ULK4: variants seen among roughly 807,000 people sequenced by gnomAD.
ULK4 encodes inactive serine/threonine-protein kinase ULK4.
Under a neutral mutation model 160.6 loss-of-function variants are expected in ULK4, and 133 were observed. The ratio of observed to expected loss-of-function variants is 0.83; its 90% confidence interval spans 0.72 to 0.96. The LOEUF (loss-of-function observed/expected upper bound fraction) is 0.96, where lower values mean the gene tolerates loss of function less well. Ranked by LOEUF, ULK4 falls within the 40% of genes least tolerant of loss-of-function variation. The pLI is 0.00. For missense variants in ULK4, 1,580 were observed against 1,499.5 expected, an observed-to-expected ratio of 1.05 and a Z score of -0.89; for synonymous variants, 534 against 539.8, an observed-to-expected ratio of 0.99 and a Z score of 0.15.
chr3:41,273,108 T>C (rs2079166809), intron 35 of ULK4, among the ~76,000 whole-genome samples: 4 of 152,364 alleles, frequency 2.6e-5, no homozygotes, highest in South Asian at 2.1e-4. Flanking sequence ...TATAAAATTG[T>C]ATAACATTAT....
At chr3:41,800,710 TGAGCACCGATCAATCA>T (rs2040432915) in intron 19 of ULK4, among the ~76,000 whole-genome samples, 1 of 152,192 alleles carries the variant, frequency 6.6e-6, no homozygotes, top group South Asian at 2.1e-4. Context: ...AGGAATAATC[TGAGCACCGATCAATCA>T]GAGTGGAAAG....
intron 35 of ULK4, among the ~76,000 whole-genome samples, chr3:41,339,563 A>G (rs2080638586): frequency 6.6e-6 from 1 of 151,916 alleles, no homozygotes. Flanking sequence ...TCAATATACA[A>G]CTTATTCCCA....
At chr3:41,649,953 CCCAGACTCAG>C (rs1280234748) in intron 30 of ULK4, among the ~76,000 whole-genome samples, 3 of 152,196 alleles carry the variant, frequency 2.0e-5, no homozygotes, top group African/African-American at 7.2e-5. Flanking sequence ...CCATGAAAAC[CCCAGACTCAG>C]CCAGACTCAG....
intron 31 of ULK4, among the ~76,000 whole-genome samples, chr3:41,584,310 GAGAA>G (rs1395421671): frequency 6.6e-6 from 1 of 152,000 alleles, no homozygotes; most frequent in African/African-American, 2.4e-5. Flanking sequence ...TTTTTCTTTT[GAGAA>G]AGAGTCTCAC....
Position 41,564,704 on chromosome 3 carries a change from A to G in ULK4, c.3226+1321T>C, listed in dbSNP as rs1026469118. 3.3e-5 allele frequency among the ~76,000 whole-genome samples: 5 copies of G among 151,916 alleles called. No individual in the cohort carries two copies. The South Asian group carries it at 6.2e-4, about 19-fold the overall frequency. On this transcript the variant is annotated intron_variant, in intron 32 of 36. Coordinates refer to ENST00000301831, the MANE Select transcript of ULK4 (RefSeq NM_017886.4). Reference sequence around the variant, plus strand: ...AAACTCCTGACCTCAAGTGATCCACAAGCCTCGGCCTCCCAAAGTGCTGGG... The same window carrying G: ...AAACTCCTGACCTCAAGTGATCCACGAGCCTCGGCCTCCCAAAGTGCTGGG...
intron 22 of ULK4, among the ~76,000 whole-genome samples, chr3:41,736,807 A>T (rs1418366051): frequency 6.6e-6 from 1 of 151,488 alleles, no homozygotes; most frequent in African/African-American, 2.4e-5. Context: ...GTTTTCTTCT[A>T]GGGTTTTTAT....
chr3:41,936,071 G>C, intron 3 of ULK4, 131 bp from the exon 4 acceptor site: 1 of 1,155,812 alleles, frequency 8.7e-7, no homozygotes, highest in Non-Finnish European at 1.2e-6. Flanking sequence ...CCTGGTCAAG[G>C]AACACACATG....
chr3:41,443,321 T>C (rs1446122087), intron 34 of ULK4, among the ~76,000 whole-genome samples: 9 of 152,242 alleles, frequency 5.9e-5, no homozygotes, highest in Admixed American at 5.9e-4. Flanking sequence ...TCATCTTTGC[T>C]GGACAATTCC....
In ULK4 at chr3:41,639,060, A is replaced by C. The variant is rs564206960; in HGVS notation, c.3072-23343T>G. ...GGTCATATATGAATATTATCAAGGA[A>C]CTGACTCTCTCATACTTCAGAAAGT... On this transcript the variant is annotated intron_variant, in intron 30 of 36. Coordinates refer to ENST00000301831, the MANE Select transcript of ULK4 (RefSeq NM_017886.4). 5.3e-5 allele frequency among the ~76,000 whole-genome samples: 8 copies of C among 152,342 alleles called. No individual in the cohort carries two copies. In the East Asian group the frequency reaches 1.5e-3, roughly 29 times the overall value.
At chr3:41,512,012 G>A (rs1347494374) in intron 32 of ULK4, among the ~76,000 whole-genome samples, 1 of 152,080 alleles carries the variant, frequency 6.6e-6, no homozygotes, top group Non-Finnish European at 1.5e-5. Flanking sequence ...CACATAAACA[G>A]AATTAAAAAG....
intron 17 of ULK4, among the ~76,000 whole-genome samples, chr3:41,876,804 G>C (rs757554786): frequency 6.6e-6 from 1 of 152,076 alleles, no homozygotes; most frequent in Non-Finnish European, 1.5e-5. Flanking sequence ...TTCAAAAGCC[G>C]GCAAAATCAT....
chr3:41,924,921 C>A (rs150165800), intron 5 of ULK4, among the ~76,000 whole-genome samples: 204 of 152,248 alleles, frequency 1.3e-3, no homozygotes, highest in African/African-American at 4.8e-3. Flanking sequence ...ATGAGTATCA[C>A]AGAGCTTCAA....
rs1485692502 is a variant in ULK4, at chr3:41,715,364, T to A, written c.2578-71A>T. Reference sequence around the variant, plus strand: ...CAACGTTAGCTCAATAAAAAAAAAATGTTTTGAGTTGAGGATTCTCAGCTC... The same window carrying A: ...CAACGTTAGCTCAATAAAAAAAAAAAGTTTTGAGTTGAGGATTCTCAGCTC... On this transcript the variant is annotated intron_variant, in intron 24 of 36. Coordinates refer to ENST00000301831, the MANE Select transcript of ULK4 (RefSeq NM_017886.4). 26 of 1,604,862 alleles carry A rather than the reference T, an allele frequency of 1.6e-5. 1 individual carries two copies. Among genetic ancestry groups the A allele is most frequent in the South Asian group, 1.3e-4 (12 of 89,832 alleles).
chr3:41,538,433 A>T (rs2086586115), intron 32 of ULK4, among the ~76,000 whole-genome samples: 1 of 152,114 alleles, frequency 6.6e-6, no homozygotes, highest in South Asian at 2.1e-4. Flanking sequence ...TCAATCTACA[A>T]TACTTATCAA....
chr3:41,715,407 A>T (rs1454911353), intron 24 of ULK4, 40 bp downstream of exon 24: 1 of 1,613,412 alleles, frequency 6.2e-7, no homozygotes, highest in Non-Finnish European at 8.5e-7. Context: ...CAAAGAGAAG[A>T]GGCAAATTTA....
At chr3:41,763,929 T>C (rs569076009) in intron 21 of ULK4, among the ~76,000 whole-genome samples, 1 of 152,326 alleles carries the variant, frequency 6.6e-6, no homozygotes, top group Non-Finnish European at 1.5e-5. Flanking sequence ...CAAACACACA[T>C]GGCAGTCAAT....
intron 21 of ULK4, among the ~76,000 whole-genome samples, chr3:41,773,879 G>T (rs1419276001): frequency 6.6e-6 from 1 of 152,122 alleles, no homozygotes; most frequent in Non-Finnish European, 1.5e-5. Context: ...CAGAGATATA[G>T]ACCAATGGAA....
chr3:41,748,607 G>C (rs2038502443), intron 22 of ULK4, among the ~76,000 whole-genome samples: 1 of 151,958 alleles, frequency 6.6e-6, no homozygotes, highest in Non-Finnish European at 1.5e-5. Context: ...CTTAAGTCTA[G>C]ACCATAAAGC....
chr3:41,667,551 C>A (rs2035387315), intron 29 of ULK4, among the ~76,000 whole-genome samples: 1 of 152,142 alleles, frequency 6.6e-6, no homozygotes, highest in Non-Finnish European at 1.5e-5. Context: ...AGTGATGAGC[C>A]CTGACTCTTG....
Sources: gnomAD v4.1 joint callset for allele counts (sites outside exome capture counted in the v4.1 genomes callset) on GRCh38, gnomAD v4.1.1 for gene constraint, MANE v1.5 for transcripts, NCBI Gene and HGNC (gene_info 2026-07-23, HGNC 2026-07-21) for gene names.